SRD5A2: variants seen among roughly 807,000 people sequenced by gnomAD.
The protein encoded by SRD5A2 is 3-oxo-5-alpha-steroid 4-dehydrogenase 2.
A neutral mutation model predicts 27.4 loss-of-function variants in SRD5A2; 30 were observed. The observed-to-expected ratio is 1.10, with a 90% CI of 0.82 to 1.49. The LOEUF (loss-of-function observed/expected upper bound fraction) is 1.49, where lower values mean the gene tolerates loss of function less well. SRD5A2 is among the 40% of genes most tolerant of loss of function. The probability of loss-of-function intolerance (pLI) is 0.00; values close to 1 mark genes in which losing one functional copy is unlikely to be tolerated. For missense variants in SRD5A2, 348 were observed against 323.4 expected, an observed-to-expected ratio of 1.08 and a Z score of -0.58; for synonymous variants, 141 against 133.6, an observed-to-expected ratio of 1.06 and a Z score of -0.38.
chr2:31,556,147 G>T (rs1017056124), intron 1 of SRD5A2, among the ~76,000 whole-genome samples: 8 of 152,204 alleles, frequency 5.3e-5, no homozygotes, highest in African/African-American at 1.2e-4. Flanking sequence ...TTGCCGAGAA[G>T]TAACTACAAA....
chr2:31,568,192 G>T (rs914382251), intron 1 of SRD5A2, among the ~76,000 whole-genome samples: 2 of 152,138 alleles, frequency 1.3e-5, no homozygotes, highest in Non-Finnish European at 2.9e-5. Flanking sequence ...CCCTGGCTCA[G>T]GGCTCCCCTA....
chr2:31,546,755 G>A (rs1054408890), intron 1 of SRD5A2, among the ~76,000 whole-genome samples: 1 of 152,102 alleles, frequency 6.6e-6, no homozygotes, highest in African/African-American at 2.4e-5. Flanking sequence ...ACTTACCCAT[G>A]TAATAAACCT....
chr2:31,532,936 T>C (rs1665946671), intron 2 of SRD5A2, among the ~76,000 whole-genome samples: 1 of 151,938 alleles, frequency 6.6e-6, no homozygotes. Context: ...CCCCCATGAA[T>C]ACATGGGGGC....
At chr2:31,539,093 T>G (rs1401443427) in intron 1 of SRD5A2, among the ~76,000 whole-genome samples, 1 of 152,156 alleles carries the variant, frequency 6.6e-6, no homozygotes, top group African/African-American at 2.4e-5. Context: ...TTTTCCACAT[T>G]CCTCCTGCTA....
intron 1 of SRD5A2, among the ~76,000 whole-genome samples, chr2:31,536,095 G>A (rs1354612384): frequency 6.6e-6 from 1 of 152,206 alleles, no homozygotes; most frequent in Admixed American, 6.5e-5. Flanking sequence ...ATACAGGATT[G>A]TTGCTATTTG....
At chr2:31,618,868 A>G in the SRD5A2 span, among the ~76,000 whole-genome samples, 1 of 152,182 alleles carries the variant, frequency 6.6e-6, no homozygotes, top group Admixed American at 6.6e-5. Context: ...ATGTGAGTTC[A>G]TGGATACATT....
the SRD5A2 span, among the ~76,000 whole-genome samples, chr2:31,638,926 A>T: frequency 6.6e-6 from 1 of 151,944 alleles, no homozygotes; most frequent in African/African-American, 2.4e-5. Context: ...GTTACTATTG[A>T]TAAGTAAGGT....
intron 1 of SRD5A2, among the ~76,000 whole-genome samples, chr2:31,572,123 T>C (rs1229471838): frequency 6.6e-6 from 1 of 152,230 alleles, no homozygotes; most frequent in Non-Finnish European, 1.5e-5. Flanking sequence ...ATGTGGCATA[T>C]ATACACCATG....
At position 31,523,798 on chromosome 2, in the gene SRD5A2, C is replaced by T. The variant is rs1432990849; in HGVS notation, c.*2398G>A. 1 of 220,428 alleles carries T rather than the reference C, an allele frequency of 4.5e-6. No individual in the cohort carries two copies. Among genetic ancestry groups the T allele is most frequent in the East Asian group, 6.7e-5 (1 of 14,946 alleles). 13.7% of individuals were successfully genotyped at this position (220,428 alleles called of 1,614,324 possible). ...TTTAGAGATGAGCACATGTTCAGAC[C>T]TTTACTGTATTTAATCCACATACAT... On this transcript the variant is annotated 3_prime_UTR_variant, in exon 5 of 5. Transcript: ENST00000622030.
intron 1 of SRD5A2, among the ~76,000 whole-genome samples, chr2:31,546,125 C>T (rs1189550729): frequency 1.3e-5 from 2 of 151,702 alleles, no homozygotes; most frequent in East Asian, 3.9e-4. Context: ...AATGTCCATA[C>T]TACCAACACA....
chr2:31,576,514 T>G (rs1262841106), intron 1 of SRD5A2, among the ~76,000 whole-genome samples: 1 of 65,618 alleles, frequency 1.5e-5, no homozygotes, highest in Non-Finnish European at 3.0e-5. Context: ...CTGGAGAGGA[T>G]GTGGAGAAAT....
At chr2:31,549,500 CA>C (rs1282990372) in intron 1 of SRD5A2, among the ~76,000 whole-genome samples, 1 of 151,982 alleles carries the variant, frequency 6.6e-6, no homozygotes, top group East Asian at 1.9e-4. Context: ...TAATGTCACT[CA>C]AAATGGTTCA....
At chr2:31,624,336 G>C in the SRD5A2 span, among the ~76,000 whole-genome samples, 3 of 151,110 alleles carry the variant, frequency 2.0e-5, no homozygotes, top group Non-Finnish European at 3.0e-5. Flanking sequence ...CATCCTTTCT[G>C]TTTTTTTAAC....
At chr2:31,531,630 T>C (rs1192085789) in intron 2 of SRD5A2, among the ~76,000 whole-genome samples, 158 bp from the exon 3 acceptor site, 1 of 152,204 alleles carries the variant, frequency 6.6e-6, no homozygotes, top group East Asian at 1.9e-4. Flanking sequence ...CAATGAGTCC[T>C]GGTCCTGAAT....
the SRD5A2 span, among the ~76,000 whole-genome samples, chr2:31,623,030 C>A: frequency 6.6e-6 from 1 of 152,062 alleles, no homozygotes; most frequent in Non-Finnish European, 1.5e-5. Context: ...GTAAGAGGAT[C>A]ACCTTCAATG....
intron 4 of SRD5A2, 141 bp downstream of exon 4, chr2:31,529,166 T>C: frequency 1.6e-6 from 2 of 1,224,722 alleles, no homozygotes; most frequent in Non-Finnish European, 2.2e-6. Context: ...CAAGTCAGAA[T>C]ATGCTAACCC....
chr2:31,619,757 A>C, the SRD5A2 span, among the ~76,000 whole-genome samples: 1 of 151,996 alleles, frequency 6.6e-6, no homozygotes, highest in Admixed American at 6.6e-5. Context: ...GTATCTGTCC[A>C]TGTCCTTTGT....
At chr2:31,565,275 T>C (rs920245493) in intron 1 of SRD5A2, among the ~76,000 whole-genome samples, 4 of 151,760 alleles carry the variant, frequency 2.6e-5, no homozygotes, top group African/African-American at 7.2e-5. Context: ...AAATAGGAAA[T>C]AGGAACAAAT....
chr2:31,637,358 A>T, the SRD5A2 span, among the ~76,000 whole-genome samples: 3 of 152,038 alleles, frequency 2.0e-5, no homozygotes, highest in Non-Finnish European at 2.9e-5. Context: ...AGCACTGGTC[A>T]TGACCCTGCT....
Sources: gnomAD v4.1 joint callset for allele counts (sites outside exome capture counted in the v4.1 genomes callset) on GRCh38, gnomAD v4.1.1 for gene constraint, MANE v1.5 for transcripts, NCBI Gene and HGNC (gene_info 2026-07-23, HGNC 2026-07-21) for gene names.